Variants in PTPRO observed in about 807,000 individuals in gnomAD.
The protein encoded by PTPRO is protein tyrosine phosphatase receptor type O, also known as receptor-type tyrosine-protein phosphatase O.
Under a neutral mutation model 145.2 loss-of-function variants are expected in PTPRO, and 62 were observed. The ratio of observed to expected loss-of-function variants is 0.43; its 90% CI spans 0.35 to 0.53. The LOEUF (loss-of-function observed/expected upper bound fraction) is 0.53, where lower values mean the gene tolerates loss of function less well. Ranked by LOEUF, PTPRO falls within the 20% of genes least tolerant of loss-of-function variation. The pLI, the probability that PTPRO is intolerant of heterozygous loss-of-function variation, is 0.01. For missense variants in PTPRO, 1,345 were observed against 1,482.7 expected (o/e 0.91, Z 1.53); for synonymous variants, 565 against 514.7 (o/e 1.10, Z -1.32).
chr12:15,474,786 G>T (rs2136422941), intron 1 of PTPRO, among the ~76,000 whole-genome samples: 1 of 152,264 alleles, frequency 6.6e-6, no homozygotes, highest in African/African-American at 2.4e-5. Context: ...TCTCAGCAGG[G>T]ATTACATGCC....
At chr12:15,553,259 C>A (rs1418400303) in intron 15 of PTPRO, among the ~76,000 whole-genome samples, 1 of 151,988 alleles carries the variant, frequency 6.6e-6, no homozygotes, top group Non-Finnish European at 1.5e-5. Context: ...GAGAAATAGA[C>A]AATAAACAAT....
rs528779610 is a variant in PTPRO, at chr12:15,536,045, T to C, written c.2164+9783T>C. On this transcript the variant is annotated intron_variant, in intron 12 of 26. Transcript: ENST00000281171. Reference sequence around the variant, plus strand: ...AGCTAATAAAATGCTTAAGGTCTTATACTTTTTTAAAAAATTATTCATCCT... The same window carrying C: ...AGCTAATAAAATGCTTAAGGTCTTACACTTTTTTAAAAAATTATTCATCCT... Among the ~76,000 whole-genome samples the C allele has an allele frequency of 1.7e-4, 23 of 138,452 alleles. 1 individual carries two copies. In the South Asian group the frequency reaches 4.7e-3, roughly 28 times the overall value. The allele number at this position is 138,452 out of a possible 152,430, so 90.8% of individuals were successfully genotyped here.
intron 1 of PTPRO, among the ~76,000 whole-genome samples, chr12:15,456,066 C>A (rs1466041093): frequency 6.6e-6 from 1 of 152,140 alleles, no homozygotes; most frequent in Non-Finnish European, 1.5e-5. Context: ...AGAGAAAAAA[C>A]TTTCCATTTT....
intron 5 of PTPRO, 44 bp from the exon 6 acceptor site, chr12:15,503,864 C>T: frequency 1.3e-6 from 2 of 1,496,802 alleles, no homozygotes; most frequent in East Asian, 2.3e-5. Flanking sequence ...AGGGCCTTTC[C>T]AGGTGTCTAT....
chr12:15,525,883 T>C (rs1591686796), intron 11 of PTPRO, among the ~76,000 whole-genome samples: 1 of 152,356 alleles, frequency 6.6e-6, no homozygotes, highest in East Asian at 1.9e-4. Context: ...AATGTCAGAA[T>C]GAGACCCATT....
Position 15,322,530 on chromosome 12 carries a change from C to T in PTPRO, c.-197C>T. 4.6e-6 allele frequency: 3 copies of T among 647,184 alleles called. No individual in the cohort carries two copies. Among genetic ancestry groups the T allele is most frequent in the Non-Finnish European group, 2.8e-6 (1 of 357,176 alleles). The allele number at this position is 647,184 out of a possible 1,614,324, so 40.1% of individuals were successfully genotyped here. ...CTTAGTCATTAAAGAACAGCAGCGC[C>T]TGGCACGTTCTTGGAGGACCCCGGG... is the stretch of plus-strand genomic sequence containing the variant. On this transcript the variant is annotated 5_prime_UTR_variant, in exon 1 of 27. Transcript: ENST00000281171. This position sits in a 1 kb window ranked among gnomAD's most constrained non-coding sequence, Gnocchi z 6.3.
At chr12:15,537,176 A>G (rs1469325808) in intron 12 of PTPRO, among the ~76,000 whole-genome samples, 2 of 152,210 alleles carry the variant, frequency 1.3e-5, no homozygotes, top group Non-Finnish European at 2.9e-5. Context: ...TTCCTATGAA[A>G]CCATTAAATA....
intron 1 of PTPRO, among the ~76,000 whole-genome samples, chr12:15,428,185 A>C (rs1940335356): frequency 2.0e-5 from 3 of 152,154 alleles, no homozygotes. Flanking sequence ...TGCTTTGGCA[A>C]AGGATGAGGT....
intron 1 of PTPRO, among the ~76,000 whole-genome samples, chr12:15,404,157 C>A (rs1939581834): frequency 7.7e-6 from 1 of 130,484 alleles, no homozygotes; most frequent in African/African-American, 3.0e-5. Flanking sequence ...CCACTGCACT[C>A]TAGCCTGGGC....
intron 7 of PTPRO, among the ~76,000 whole-genome samples, chr12:15,515,042 C>T (rs1209300396): frequency 1.3e-5 from 2 of 151,706 alleles, no homozygotes; most frequent in African/African-American, 2.4e-5. Flanking sequence ...TGGGATTACA[C>T]GCGTGAGCCA....
intron 23 of PTPRO, among the ~76,000 whole-genome samples, chr12:15,585,690 A>G (rs570897558): frequency 6.6e-6 from 1 of 152,290 alleles, no homozygotes; most frequent in African/African-American, 2.4e-5. Flanking sequence ...CCTCCTTCCC[A>G]GTTATGATAT....
chr12:15,492,590 T>A (rs758494795), intron 2 of PTPRO, among the ~76,000 whole-genome samples: 8 of 152,016 alleles, frequency 5.3e-5, no homozygotes, highest in Non-Finnish European at 1.0e-4. Context: ...TAAACATGAA[T>A]AAATTAAAAT....
intron 1 of PTPRO, among the ~76,000 whole-genome samples, chr12:15,360,392 C>CT (rs1938136876): frequency 6.6e-6 from 1 of 152,142 alleles, no homozygotes; most frequent in South Asian, 2.1e-4. Context: ...GTGATACACT[C>CT]TGTCTCCGCT....
intron 12 of PTPRO, among the ~76,000 whole-genome samples, chr12:15,531,185 C>A (rs929497070): frequency 6.6e-6 from 1 of 152,014 alleles, no homozygotes; most frequent in African/African-American, 2.4e-5. Flanking sequence ...CTTAATGAAC[C>A]AATAATGAGC....
chr12:15,448,044 T>G (rs1206527851), intron 1 of PTPRO, among the ~76,000 whole-genome samples: 2 of 152,154 alleles, frequency 1.3e-5, no homozygotes, highest in Non-Finnish European at 2.9e-5. Context: ...TGGCATTTAC[T>G]TGTGGTAACT....
chr12:15,388,297 A>C (rs566586114), intron 1 of PTPRO, among the ~76,000 whole-genome samples: 18 of 152,298 alleles, frequency 1.2e-4, no homozygotes, highest in African/African-American at 4.3e-4. Flanking sequence ...CAGAATGATT[A>C]TTGCATATAA....
chr12:15,349,144 A>C, intron 1 of PTPRO, among the ~76,000 whole-genome samples: 1 of 152,256 alleles, frequency 6.6e-6, no homozygotes, highest in East Asian at 1.9e-4. Flanking sequence ...TTATACTTCA[A>C]GAAATAGTGA....
At chr12:15,364,547 G>A (rs1938303260) in intron 1 of PTPRO, among the ~76,000 whole-genome samples, 1 of 152,064 alleles carries the variant, frequency 6.6e-6, no homozygotes, top group Non-Finnish European at 1.5e-5. Context: ...TCAGAGCAGC[G>A]CTGTGACAAG....
At chr12:15,585,213 A>T (rs1440265161) in intron 23 of PTPRO, among the ~76,000 whole-genome samples, 1 of 152,242 alleles carries the variant, frequency 6.6e-6, no homozygotes. Context: ...ACAAATTATG[A>T]TCAGCATTTA....
Sources: allele counts gnomAD v4.1 joint callset (sites outside exome capture counted in the v4.1 genomes callset), GRCh38; gene constraint gnomAD v4.1.1; non-coding constraint Gnocchi (gnomAD v3.1); transcripts MANE v1.5; gene names NCBI Gene and HGNC (gene_info 2026-07-23, HGNC 2026-07-21).